CFAP221: variants seen among roughly 807,000 people sequenced by gnomAD.
The protein encoded by CFAP221 is cilia and flagella associated protein 221.
CFAP221 carries 97 observed loss-of-function variants against 113.1 expected under a neutral mutation model. That is an observed-to-expected ratio of 0.86 (90% CI 0.73 to 1.02). The LOEUF is 1.02. Among genes scored for constraint, CFAP221 ranks in the 50% least tolerant of loss-of-function variants. CFAP221 has a pLI of 0.00. For missense variants in CFAP221, 1,025 were observed against 1,013.4 expected, an observed-to-expected ratio of 1.01 and a Z score of -0.16; for synonymous variants, 331 against 354.4, an observed-to-expected ratio of 0.93 and a Z score of 0.74.
chr2:119,569,705 AT>A (rs762098530), intron 6 of CFAP221, among the ~76,000 whole-genome samples: 42 of 147,300 alleles, frequency 2.9e-4, no homozygotes, highest in Non-Finnish European at 6.2e-4. Flanking sequence ...TTTCCTCTTT[AT>A]TTTTCTGTTT....
intron 14 of CFAP221, among the ~76,000 whole-genome samples, chr2:119,619,118 C>T (rs1465762260): frequency 6.6e-6 from 1 of 152,210 alleles, no homozygotes; most frequent in East Asian, 1.9e-4. Context: ...TCCCATCTCC[C>T]TGGGACAGAG....
intron 14 of CFAP221, among the ~76,000 whole-genome samples, chr2:119,622,874 T>C (rs964108599): frequency 1.3e-5 from 2 of 152,242 alleles, no homozygotes; most frequent in East Asian, 3.9e-4. Context: ...TATCTCAAAA[T>C]AATAAGAACT....
chr2:119,565,581 A>G (rs1433158525), intron 6 of CFAP221, among the ~76,000 whole-genome samples: 1 of 152,192 alleles, frequency 6.6e-6, no homozygotes, highest in Admixed American at 6.5e-5. Flanking sequence ...ATATAACACC[A>G]TTCATTTGTA....
At chr2:119,618,728 T>G (rs1282641788) in intron 14 of CFAP221, among the ~76,000 whole-genome samples, 1 of 152,010 alleles carries the variant, frequency 6.6e-6, no homozygotes, top group Non-Finnish European at 1.5e-5. Flanking sequence ...AGAATGCCAG[T>G]GAGACAGAAC....
rs77528871 is a variant in CFAP221 at position 119,650,579 on chromosome 2, T to A, written c.2319-1395T>A. Among the ~76,000 whole-genome samples the A allele has an allele frequency of 4.5e-3, 679 of 152,350 alleles. 6 individuals carry two copies. Among genetic ancestry groups the A allele is most frequent in the African/African-American group, 0.015 (640 of 41,582 alleles). On this transcript the variant is annotated intron_variant, in intron 22 of 23. Coordinates refer to ENST00000413369, the MANE Select transcript of CFAP221 (RefSeq NM_001271049.2). ...AGAGGGTTGTCAGAATTAAAGGAGATGCTGATGCTGATGAGAATAGTAATT... is the reference window on the plus strand; with the variant it reads ...AGAGGGTTGTCAGAATTAAAGGAGAAGCTGATGCTGATGAGAATAGTAATT...
chr2:119,617,674 C>T (rs1236732942), intron 14 of CFAP221, among the ~76,000 whole-genome samples: 1 of 152,210 alleles, frequency 6.6e-6, no homozygotes, highest in Admixed American at 6.5e-5. Flanking sequence ...ACAGACCAGG[C>T]TCCCAGCATC....
intron 21 of CFAP221, among the ~76,000 whole-genome samples, chr2:119,640,993 G>C (rs1328614771): frequency 1.3e-5 from 2 of 152,152 alleles, no homozygotes; most frequent in Non-Finnish European, 2.9e-5. Context: ...CACCCAACTT[G>C]TAGTGTACAA....
chr2:119,575,736 AGTACATTTTATATTAT>A (rs1682400662), intron 6 of CFAP221, among the ~76,000 whole-genome samples: 1 of 152,250 alleles, frequency 6.6e-6, no homozygotes, highest in Admixed American at 6.5e-5. Context: ...TGGTTAAAAT[AGTACATTTTATATTAT>A]GTACATTTTA....
chr2:119,604,889 A>G lies in CFAP221; in HGVS notation c.926A>G (p.Gln309Arg), dbSNP rs760287563. The G allele has an allele frequency of 8.1e-6, 13 of 1,614,158 alleles. No homozygotes were observed. The highest frequency in any genetic ancestry group is 2.2e-5 in the South Asian group (2 of 91,072). Residue 309 changes from glutamine to arginine, a missense_variant, in exon 10 of 24, where the codon CAG (glutamine) becomes CGG (arginine). Coordinates refer to ENST00000413369, the MANE Select transcript of CFAP221 (RefSeq NM_001271049.2). ...TTGGTCTCTTAGGAAATTGAGTACC[A>G]GAACCTCAGATTTCCAGTAGATTTA... ...KPQKVKEIEY[Q>R]NLRFPVDLSN...
Position 119,604,793 on chromosome 2 carries a change from G to T in CFAP221, c.912+1G>T. Reference sequence around the variant, plus strand: ...GAAGCCGAAGCCTCAGAAGGTGAAGGTACGGTGGGCCTTGTCCTTGGTGCG... The same window carrying T: ...GAAGCCGAAGCCTCAGAAGGTGAAGTTACGGTGGGCCTTGTCCTTGGTGCG... On this transcript the variant is annotated splice_donor_variant, in intron 9 of 23. Coordinates refer to ENST00000413369, the MANE Select transcript of CFAP221 (RefSeq NM_001271049.2). LOFTEE classifies it high-confidence loss of function. 6.4e-7 allele frequency: 1 copy of T among 1,569,908 alleles called. No individual in the cohort carries two copies.
rs191619228 is a variant in CFAP221, at chr2:119,628,120, G to A, written c.1650+334G>A. On this transcript the variant is annotated intron_variant, in intron 16 of 23. Transcript: ENST00000413369. Reference sequence around the variant, plus strand: ...ACCGAGAGGGCCCCACCTGGCCCAGGGAGGCAGGCTCTGCTCAGCTTGGCC... The same window carrying A: ...ACCGAGAGGGCCCCACCTGGCCCAGAGAGGCAGGCTCTGCTCAGCTTGGCC... Among the ~76,000 whole-genome samples the A allele has an allele frequency of 2.0e-5, 3 of 152,286 alleles. No homozygotes were observed. In the East Asian group the frequency reaches 5.8e-4, roughly 29 times the overall value.
intron 1 of CFAP221, among the ~76,000 whole-genome samples, chr2:119,545,590 A>G (rs899902503): frequency 2.0e-5 from 3 of 152,178 alleles, no homozygotes; most frequent in Admixed American, 2.0e-4. Context: ...TAGCAGAGGG[A>G]TGGAGGAGGG....
intron 19 of CFAP221, 86 bp from the exon 20 acceptor site, chr2:119,638,173 C>G: frequency 7.0e-7 from 1 of 1,429,420 alleles, no homozygotes; most frequent in Non-Finnish European, 9.7e-7. Context: ...TAGTGGGAGC[C>G]ACAGACAGCA....
chr2:119,594,047 C>T (rs1683781226), intron 7 of CFAP221, among the ~76,000 whole-genome samples: 1 of 152,196 alleles, frequency 6.6e-6, no homozygotes, highest in South Asian at 2.1e-4. Context: ...AACATCCAAA[C>T]CATAGCATAC....
intron 7 of CFAP221, 58 bp downstream of exon 7, chr2:119,587,280 A>G (rs1014319932): frequency 8.0e-6 from 10 of 1,255,816 alleles, no homozygotes; most frequent in African/African-American, 6.1e-5. Context: ...TTCAAACGTT[A>G]TATTTTCAAA....
At chr2:119,606,871 A>G (rs1684805952) in intron 11 of CFAP221, among the ~76,000 whole-genome samples, 1 of 152,078 alleles carries the variant, frequency 6.6e-6, no homozygotes, top group African/African-American at 2.4e-5. Context: ...TGACATTATG[A>G]CACATACACT....
At chr2:119,550,936 T>TC (rs1680375189) in intron 3 of CFAP221, among the ~76,000 whole-genome samples, 1 of 151,810 alleles carries the variant, frequency 6.6e-6, no homozygotes, top group South Asian at 2.1e-4. Context: ...CCCTAGGCAA[T>TC]CACTCATCCA....
At chr2:119,594,765 A>T (rs1683845556) in intron 7 of CFAP221, among the ~76,000 whole-genome samples, 1 of 152,228 alleles carries the variant, frequency 6.6e-6, no homozygotes, top group Non-Finnish European at 1.5e-5. Flanking sequence ...GCCAGACACT[A>T]CACTGGATGC....
At chr2:119,594,231 T>G (rs952965099) in intron 7 of CFAP221, among the ~76,000 whole-genome samples, 4 of 151,780 alleles carry the variant, frequency 2.6e-5, no homozygotes, top group Admixed American at 1.3e-4. Flanking sequence ...GTTGTCCTCT[T>G]TTTCATGTGT....
Sources: allele counts gnomAD v4.1 joint callset (sites outside exome capture counted in the v4.1 genomes callset), GRCh38; gene constraint gnomAD v4.1.1; transcripts MANE v1.5; gene names NCBI Gene and HGNC (gene_info 2026-07-23, HGNC 2026-07-21).